CARD10: variants seen among roughly 807,000 people sequenced by gnomAD.
The protein encoded by CARD10 is caspase recruitment domain family member 10.
Under a neutral mutation model 114.6 loss-of-function variants are expected in CARD10, and 49 were observed. The ratio of observed to expected loss-of-function variants is 0.43; its 90% CI spans 0.34 to 0.54. CARD10 has a LOEUF of 0.54. CARD10 is among the 20% of genes least tolerant of loss of function. CARD10 has a pLI of 0.03. For synonymous variants in CARD10, 602 were observed against 593.2 expected (o/e 1.01, Z -0.21); for missense variants, 1,206 against 1,397.2 (o/e 0.86, Z 2.18).
chr22:37,494,432 T>A, intron 15 of CARD10: 1 of 567,264 alleles, frequency 1.8e-6, no homozygotes, highest in Non-Finnish European at 3.1e-6. Context: ...CCAGCCCGTC[T>A]GAGCCTGGTG....
rs1262283718 is a variant in CARD10, at chr22:37,494,087, T to G, written c.2475A>C (p.Ala825=). Residue 825 remains alanine, a splice_region_variant and synonymous_variant, in exon 16 of 20, where the codon GCA becomes GCC. Transcript: ENST00000251973. ...ACAGCTTTGCCCCCGCGCACTCACC[T>G]GCACAGGGCTCCAGCAGCAGCTGAT... ...SPDQLLLEPC[A]EPERSLRPYS... is the part of the protein sequence containing the mutation. The G allele has an allele frequency of 5.2e-5, 80 of 1,553,058 alleles. No homozygotes were observed. Among genetic ancestry groups the G allele is most frequent in the Non-Finnish European group, 6.7e-5 (77 of 1,147,746 alleles).
rs1451811681 is a variant in CARD10, at chr22:37,509,291, C to T, written c.910-609G>A. Reference sequence around the variant, plus strand: ...AGCCCTAGGGCCCCCAGGCCACACCCTCTACAAATCAAATTAAAGCTGGGG... The same window carrying T: ...AGCCCTAGGGCCCCCAGGCCACACCTTCTACAAATCAAATTAAAGCTGGGG... On this transcript the variant is annotated intron_variant, in intron 4 of 19. Transcript: ENST00000251973. 14 of 613,134 alleles carry T rather than the reference C, an allele frequency of 2.3e-5. No individual in the cohort carries two copies. In the East Asian group the frequency reaches 3.5e-4, roughly 15 times the overall value. 38.0% of individuals were successfully genotyped at this position (613,134 alleles called of 1,614,324 possible).
intron 19 of CARD10, 90 bp from the exon 20 acceptor site, chr22:37,491,483 C>T: frequency 1.1e-6 from 1 of 881,516 alleles, no homozygotes; most frequent in Non-Finnish European, 1.6e-6. Flanking sequence ...GGGGAAGAGT[C>T]AGAGAGAGAA....
At chr22:37,517,897 T>A in intron 2 of CARD10, 74 bp downstream of exon 2, 1 of 1,553,826 alleles carries the variant, frequency 6.4e-7, no homozygotes, top group Non-Finnish European at 8.7e-7. Flanking sequence ...TGGGAGCGCC[T>A]CCCTAACAGG....
chr22:37,514,423 G>A (rs1923765974), intron 3 of CARD10, among the ~76,000 whole-genome samples: 1 of 152,040 alleles, frequency 6.6e-6, no homozygotes, highest in African/African-American at 2.4e-5. Context: ...CCCTGTCCCT[G>A]CCCATCACTC....
rs763682764 is a variant in CARD10, at chr22:37,496,969, T to G, written c.1947+50A>C. On this transcript the variant is annotated intron_variant, in intron 12 of 19. Coordinates refer to ENST00000251973, the MANE Select transcript of CARD10 (RefSeq NM_014550.4). The surrounding 1 kb of genome is among the most constrained non-coding windows in gnomAD (Gnocchi z 4.1). ...CCACCAAATTAAGGGATGTCCAGCC[T>G]GGGCAAAAGCACTGACCCTACCCCC... The G allele has an allele frequency of 3.9e-6, 6 of 1,530,038 alleles. No individual in the cohort carries two copies. Among genetic ancestry groups the G allele is most frequent in the Non-Finnish European group, 5.3e-6 (6 of 1,140,544 alleles). The allele number at this position is 1,530,038 out of a possible 1,614,324, so 94.8% of individuals were successfully genotyped here.
At chr22:37,500,548 CAG>C (rs1006462340) in intron 11 of CARD10, among the ~76,000 whole-genome samples, 14 of 152,068 alleles carry the variant, frequency 9.2e-5, no homozygotes, top group African/African-American at 3.1e-4. Flanking sequence ...AAGGGCAGGG[CAG>C]AGAGGCTGAG....
intron 4 of CARD10, 28 bp downstream of exon 4, chr22:37,510,184 C>T (rs1027191663): frequency 6.9e-6 from 11 of 1,593,818 alleles, no homozygotes; most frequent in Non-Finnish European, 9.4e-6. Context: ...ACCCCCCAGC[C>T]TGTGCCCACA....
rs1480047597 is a variant in CARD10, at chr22:37,490,845, G to A, written c.*314C>T. ...TGAGTGTGCAAACCTGCGCACAGGT[G>A]TGAGAACAGACTCCAGGGCGAGTGT... is the stretch of plus-strand genomic sequence containing the variant. On this transcript the variant is annotated 3_prime_UTR_variant, in exon 20 of 20. Transcript: ENST00000251973. The A allele has an allele frequency of 9.9e-6, 4 of 402,658 alleles. No homozygotes were observed. The East Asian group carries it at 1.4e-4, about 14-fold the overall frequency. The allele number at this position is 402,658 out of a possible 1,614,324, so 24.9% of individuals were successfully genotyped here.
Position 37,491,746 on chromosome 22 carries a change from C to CT in CARD10, c.2864+8_2864+9insA. Reference sequence around the variant, plus strand: ...GTGCCCTGCCCACTGCCCCACCCACCCACCTCACCTGACTTCCCGGACATT... The same window carrying CT: ...GTGCCCTGCCCACTGCCCCACCCACCTCACCTCACCTGACTTCCCGGACATT... On this transcript the variant is annotated intron_variant, in intron 19 of 19. Coordinates refer to ENST00000251973, the MANE Select transcript of CARD10 (RefSeq NM_014550.4). 1 of 1,127,326 alleles carries CT rather than the reference C, an allele frequency of 8.9e-7. No homozygotes were observed. Among genetic ancestry groups the CT allele is most frequent in the Non-Finnish European group, 1.3e-6 (1 of 745,044 alleles). 69.8% of individuals were successfully genotyped at this position (1,127,326 alleles called of 1,614,324 possible). A position where few individuals can be genotyped will look rare whatever the true frequency, so the allele number is the denominator to read the frequency against.
rs559827539 is a variant in CARD10, at chr22:37,494,303, G to T, written c.2374-115C>A. 13 of 673,008 alleles carry T rather than the reference G, an allele frequency of 1.9e-5. No homozygotes were observed. In the Admixed American group the frequency reaches 2.7e-4, roughly 14 times the overall value. 41.7% of individuals were successfully genotyped at this position (673,008 alleles called of 1,614,324 possible). On this transcript the variant is annotated intron_variant, in intron 15 of 19. Coordinates refer to ENST00000251973, the MANE Select transcript of CARD10 (RefSeq NM_014550.4). The stretch of plus-strand genomic sequence containing the variant: ...CCCACTGCCACTGTGGTCCAGGCTT[G>T]CCAGAAGAGCCTGGGTCAGCAAAGA...
chr22:37,513,068 A>G (rs1923716747), intron 3 of CARD10, among the ~76,000 whole-genome samples: 1 of 152,060 alleles, frequency 6.6e-6, no homozygotes, highest in Admixed American at 6.5e-5. Flanking sequence ...ATAAATTATA[A>G]ATTAAGGTAA....
intron 7 of CARD10, 92 bp downstream of exon 7, chr22:37,506,100 C>A (rs1056646792): frequency 2.9e-6 from 3 of 1,040,912 alleles, no homozygotes; most frequent in Non-Finnish European, 4.0e-6. Flanking sequence ...TGAGGTCTCC[C>A]ACCAGGGCCG....
At chr22:37,503,536 T>A (rs1321579272) in intron 9 of CARD10, among the ~76,000 whole-genome samples, 2 of 152,096 alleles carry the variant, frequency 1.3e-5, no homozygotes, top group African/African-American at 4.8e-5. Flanking sequence ...CACCCTCACT[T>A]GCCACCTTTG....
At chr22:37,508,757 G>T in intron 4 of CARD10, 75 bp from the exon 5 acceptor site, 1 of 1,436,014 alleles carries the variant, frequency 7.0e-7, no homozygotes, top group Non-Finnish European at 9.3e-7. Flanking sequence ...AAGGGGACAC[G>T]CAGCTCTCAG....
At chr22:37,518,502 G>GCACAT (rs1293499175) in intron 1 of CARD10, among the ~76,000 whole-genome samples, 3 of 152,172 alleles carry the variant, frequency 2.0e-5, no homozygotes, top group African/African-American at 7.2e-5. Flanking sequence ...TGGTTCAAAG[G>GCACAT]CACACCCTGT....
At chr22:37,515,035 G>A (rs1923789063) in intron 3 of CARD10, among the ~76,000 whole-genome samples, 1 of 152,224 alleles carries the variant, frequency 6.6e-6, no homozygotes, top group Non-Finnish European at 1.5e-5. Flanking sequence ...GCCGGACCCG[G>A]TTCAAATCCA....
chr22:37,495,599 G>A lies in CARD10; in HGVS notation c.2304-13C>T, dbSNP rs1922972826. 2.5e-6 allele frequency: 4 copies of A among 1,613,334 alleles called. No individual in the cohort carries two copies. Among genetic ancestry groups the A allele is most frequent in the Non-Finnish European group, 3.4e-6 (4 of 1,179,700 alleles). On this transcript the variant is annotated splice_polypyrimidine_tract_variant and intron_variant, in intron 14 of 19. Transcript: ENST00000251973. The stretch of plus-strand genomic sequence containing the variant: ...GAGCTGCTGGGCTCTGTGGGAGGGA[G>A]TGACATCATGTGTGTAGAAAGAAGG...
chr22:37,499,685 G>C (rs952507008), intron 11 of CARD10, among the ~76,000 whole-genome samples: 1 of 152,002 alleles, frequency 6.6e-6, no homozygotes, highest in Admixed American at 6.6e-5. Context: ...CTCCTCAAAG[G>C]ACCAGTGACT....
Sources: gnomAD v4.1 joint callset for allele counts (sites outside exome capture counted in the v4.1 genomes callset) on GRCh38, gnomAD v4.1.1 for gene constraint, Gnocchi (gnomAD v3.1) non-coding constraint, MANE v1.5 for transcripts, NCBI Gene and HGNC (gene_info 2026-07-23, HGNC 2026-07-21) for gene names.